MEI4: variants seen among roughly 807,000 people sequenced by gnomAD.
MEI4 encodes the protein meiotic double-stranded break formation protein 4, also known as meiosis-specific protein MEI4.
MEI4 carries 27 observed loss-of-function variants against 31.4 expected under a neutral mutation model. That is an observed-to-expected ratio of 0.86 (90% confidence interval 0.63 to 1.19). MEI4 has a LOEUF of 1.19. Among genes scored for constraint, MEI4 ranks in the 50% most tolerant of loss-of-function variants. MEI4 has a pLI of 0.00. For missense variants in MEI4, 329 were observed against 398.9 expected, an observed-to-expected ratio of 0.82 and a Z score of 1.49; for synonymous variants, 122 against 145.4, an observed-to-expected ratio of 0.84 and a Z score of 1.16.
chr6:77,665,012 C>T (rs1425420699), intron 1 of MEI4, among the ~76,000 whole-genome samples: 1 of 151,498 alleles, frequency 6.6e-6, no homozygotes, highest in Non-Finnish European at 1.5e-5. Flanking sequence ...TGGAAGGTTG[C>T]CTGTAGTGAA....
chr6:77,655,237 A>G (rs1768371643), intron 1 of MEI4, among the ~76,000 whole-genome samples: 1 of 152,060 alleles, frequency 6.6e-6, no homozygotes, highest in Non-Finnish European at 1.5e-5. Context: ...ACATGAACTC[A>G]TCCTTTTTTA....
chr6:77,740,746 C>T (rs1423192928), intron 2 of MEI4, among the ~76,000 whole-genome samples: 2 of 151,790 alleles, frequency 1.3e-5, no homozygotes, highest in Non-Finnish European at 2.9e-5. Context: ...TATTTGATCT[C>T]AACCTTTATC....
chr6:77,814,113 C>T (rs1769635483), intron 3 of MEI4, among the ~76,000 whole-genome samples: 2 of 152,060 alleles, frequency 1.3e-5, no homozygotes, highest in Admixed American at 1.3e-4. Flanking sequence ...GAGGAGTGAT[C>T]GTCTGGGGTT....
chr6:77,873,963 T>G (rs1337530542), intron 4 of MEI4, among the ~76,000 whole-genome samples: 2 of 152,228 alleles, frequency 1.3e-5, no homozygotes, highest in Non-Finnish European at 2.9e-5. Context: ...CATTGATCTA[T>G]ATCTCTGTTT....
intron 1 of MEI4, among the ~76,000 whole-genome samples, chr6:77,665,977 G>A (rs1373097464): frequency 2.0e-5 from 3 of 152,148 alleles, no homozygotes; most frequent in African/African-American, 4.8e-5. Flanking sequence ...GAGGTCCCCC[G>A]ATCCGAGTCA....
intron 4 of MEI4, among the ~76,000 whole-genome samples, chr6:77,858,155 T>G (rs1770785648): frequency 6.6e-6 from 1 of 152,204 alleles, no homozygotes; most frequent in Admixed American, 6.5e-5. Context: ...TGTTTAGGAA[T>G]CTTTATTATA....
chr6:77,732,724 T>C (rs951343084), intron 2 of MEI4, among the ~76,000 whole-genome samples: 10 of 152,056 alleles, frequency 6.6e-5, no homozygotes, highest in African/African-American at 2.4e-4. Context: ...AAGGGAATGC[T>C]TCCAGTTTTT....
chr6:77,818,777 T>G (rs1769747105), intron 3 of MEI4, among the ~76,000 whole-genome samples: 1 of 152,186 alleles, frequency 6.6e-6, no homozygotes, highest in South Asian at 2.1e-4. Context: ...CCTAGGCTGA[T>G]GTGCAGTGGC....
chr6:77,715,463 G>T (rs1006733117), intron 2 of MEI4, among the ~76,000 whole-genome samples: 1 of 152,166 alleles, frequency 6.6e-6, no homozygotes, highest in Non-Finnish European at 1.5e-5. Flanking sequence ...GAATATATTA[G>T]GTTGGTGCCA....
rs563864116 is a variant in MEI4, at chr6:77,761,554, G to A, written c.657G>A (p.Leu219=). Reference sequence around the variant, plus strand: ...AAGCTGTTGGTACTTTAGCTAGTCTGATCAGTGACTATAACTTATCTAGTC... The same window carrying A: ...AAGCTGTTGGTACTTTAGCTAGTCTAATCAGTGACTATAACTTATCTAGTC... ...WTEAVGTLAS[L]ISDYNLSSHI... Residue 219 remains leucine (L), a synonymous_variant, in exon 3 of 5, where the codon CTG becomes CTA. Coordinates refer to ENST00000684080, the MANE Select transcript of MEI4 (RefSeq NM_001322247.2). 1 of 1,232,034 alleles carries A rather than the reference G, an allele frequency of 8.1e-7. No individual in the cohort carries two copies. The highest frequency in any genetic ancestry group is 4.1e-5 in the South Asian group (1 of 24,308). The allele number at this position is 1,232,034 out of a possible 1,614,324, so 76.3% of individuals were successfully genotyped here.
chr6:77,711,376 A>G (rs553889145), intron 2 of MEI4, among the ~76,000 whole-genome samples: 18 of 152,220 alleles, frequency 1.2e-4, no homozygotes, highest in Non-Finnish European at 2.9e-5. Flanking sequence ...ATATAACACA[A>G]CATTACCTTG....
At chr6:77,687,924 C>T (rs980354619) in intron 1 of MEI4, among the ~76,000 whole-genome samples, 8 of 152,084 alleles carry the variant, frequency 5.3e-5, no homozygotes, top group Non-Finnish European at 8.8e-5. Context: ...TTCAGTCCCT[C>T]TCATCTCCCT....
intron 4 of MEI4, among the ~76,000 whole-genome samples, chr6:77,891,014 T>C (rs1771753143): frequency 6.6e-6 from 1 of 152,220 alleles, no homozygotes; most frequent in African/African-American, 2.4e-5. Flanking sequence ...CAAGCCTTTC[T>C]TTATAGCATG....
At chr6:77,701,349 A>G (rs1260765100) in intron 2 of MEI4, among the ~76,000 whole-genome samples, 3 of 152,136 alleles carry the variant, frequency 2.0e-5, no homozygotes, top group African/African-American at 7.2e-5. Flanking sequence ...TATGGTGACA[A>G]GAGCAGGGCT....
At chr6:77,675,607 A>G (rs939658402) in intron 1 of MEI4, among the ~76,000 whole-genome samples, 7 of 151,688 alleles carry the variant, frequency 4.6e-5, no homozygotes, top group Non-Finnish European at 1.0e-4. Context: ...TATCAATACC[A>G]GTTTACTCAA....
chr6:77,730,883 T>C (rs1261230730), intron 2 of MEI4, among the ~76,000 whole-genome samples: 1 of 150,570 alleles, frequency 6.6e-6, no homozygotes, highest in Non-Finnish European at 1.5e-5. Context: ...CAGTGTTTGG[T>C]TTTTTGTTCT....
chr6:77,924,084 A>C lies in MEI4; in HGVS notation c.*738A>C, dbSNP rs947801671. The C allele has an allele frequency of 2.6e-5, 4 of 151,820 alleles. No individual in the cohort carries two copies. Among genetic ancestry groups the C allele is most frequent in the Admixed American group, 2.0e-4 (3 of 15,192 alleles). The allele number at this position is 151,820 out of a possible 1,614,324, so 9.4% of individuals were successfully genotyped here. The stretch of plus-strand genomic sequence containing the variant: ...TCACTAGACATATTTTATAAATTCT[A>C]ATATCCATCTAAAAGTGAAATTTAT... On this transcript the variant is annotated 3_prime_UTR_variant, in exon 5 of 5. Transcript: ENST00000684080.
chr6:77,729,044 G>T (rs1766902458), intron 2 of MEI4, among the ~76,000 whole-genome samples: 1 of 152,198 alleles, frequency 6.6e-6, no homozygotes, highest in African/African-American at 2.4e-5. Flanking sequence ...GAAAGTAAGT[G>T]AAGAGAAGCC....
At chr6:77,678,433 T>C (rs553824176) in intron 1 of MEI4, among the ~76,000 whole-genome samples, 90 of 152,182 alleles carry the variant, frequency 5.9e-4, no homozygotes, top group Non-Finnish European at 8.2e-4. Flanking sequence ...AAATGTTTGG[T>C]ATACAGTCAT....
Sources: allele counts gnomAD v4.1 joint callset (sites outside exome capture counted in the v4.1 genomes callset), GRCh38; gene constraint gnomAD v4.1.1; transcripts MANE v1.5; gene names NCBI Gene and HGNC (gene_info 2026-07-23, HGNC 2026-07-21).